The following CACNA1I variants were observed in gnomAD, a reference collection of about 807,000 sequenced individuals.
The protein encoded by CACNA1I is voltage-dependent T-type calcium channel subunit alpha-1I.
Under a neutral mutation model 201.6 loss-of-function variants are expected in CACNA1I, and 74 were observed. That is an observed-to-expected ratio of 0.37 (90% CI 0.30 to 0.45). CACNA1I has a LOEUF of 0.45. CACNA1I is among the 20% of genes least tolerant of loss of function. CACNA1I has a pLI of 1.00. For synonymous variants in CACNA1I, 1,431 were observed against 1,345.2 expected, an observed-to-expected ratio of 1.06 and a Z score of -1.40; for missense variants, 2,346 against 3,138.1, an observed-to-expected ratio of 0.75 and a Z score of 6.03.
intron 2 of CACNA1I, among the ~76,000 whole-genome samples, chr22:39,599,598 G>T (rs1376281865): frequency 1.6e-5 from 2 of 122,578 alleles, no homozygotes; most frequent in African/African-American, 6.3e-5. Context: ...CAGCCTGGGC[G>T]ACAGAGCGAG....
At position 39,662,208 on chromosome 22, in the gene CACNA1I, C is replaced by T; in HGVS notation, c.3145C>T (p.Arg1049Cys). ...TCATCACGGGCCCCATCTGGCGCAC[C>T]GCCACCGCCACCACCGCCGGACGCT... is the stretch of plus-strand genomic sequence containing the variant. ...HIHHGPHLAH[R>C]HRHHRRTLSL... Residue 1049 changes from arginine (R) to cysteine (C), a missense_variant, in exon 17 of 37, where the codon CGC becomes TGC. By Grantham distance (180) the Arg-to-Cys change is radical. Around this residue, in one of 13 missense-constraint regions of CACNA1I, gnomAD observed 288 missense variants for 255.2 expected, o/e 1.13. Coordinates refer to ENST00000402142, the MANE Select transcript of CACNA1I (RefSeq NM_021096.4). 5.2e-6 allele frequency: 8 copies of T among 1,528,202 alleles called. No individual in the cohort carries two copies. The highest frequency in any genetic ancestry group is 7.0e-6 in the Non-Finnish European group (8 of 1,141,268). 94.7% of individuals were successfully genotyped at this position (1,528,202 alleles called of 1,614,324 possible). A position where few individuals can be genotyped will look rare whatever the true frequency, so the allele number is the denominator to read the frequency against.
At chr22:39,662,578 G>A (rs1394879923) in intron 17 of CACNA1I, 143 bp downstream of exon 17, 1 of 723,206 alleles carries the variant, frequency 1.4e-6, no homozygotes. Flanking sequence ...CTTCAGGTGT[G>A]AGGCAGGAGG....
chr22:39,572,797 C>T (rs1932228664), intron 1 of CACNA1I, among the ~76,000 whole-genome samples: 1 of 152,128 alleles, frequency 6.6e-6, no homozygotes, highest in East Asian at 1.9e-4. Context: ...CGCTCTGTCA[C>T]CCAGGCTGGA....
chr22:39,659,015 C>A lies in CACNA1I; in HGVS notation c.2229C>A (p.Arg743=). The change falls in exon 12 of 37, where the codon CGC becomes CGA. Residue 743 remains arginine, a synonymous_variant. Transcript: ENST00000402142. The surrounding 1 kb of genome is among the most constrained non-coding windows in gnomAD (Gnocchi z 4.3). ...FRLLRVLKLV[R]FMPALRRQLV... is the part of the protein sequence containing the mutation. ...TGCTGCGCGTGCTGAAACTGGTGCG[C>A]TTCATGCCTGCCCTGCGGCGCCAGC... 1 of 1,612,360 alleles carries A rather than the reference C, an allele frequency of 6.2e-7. No individual in the cohort carries two copies. The highest frequency in any genetic ancestry group is 1.3e-5 in the African/African-American group (1 of 75,014).
chr22:39,650,014 C>T, intron 10 of CACNA1I, 89 bp downstream of exon 10: 2 of 1,416,576 alleles, frequency 1.4e-6, no homozygotes, highest in South Asian at 2.4e-5. Context: ...ATCCATCTGC[C>T]TGGGTTTGTG....
chr22:39,626,967 T>C (rs114644204), intron 4 of CACNA1I, among the ~76,000 whole-genome samples: 270 of 152,328 alleles, frequency 1.8e-3, no homozygotes, highest in African/African-American at 6.0e-3. Flanking sequence ...ACTTTCTAGA[T>C]GGGGAAGCAG....
At chr22:39,572,459 C>T (rs369912036) in intron 1 of CACNA1I, among the ~76,000 whole-genome samples, 1 of 152,228 alleles carries the variant, frequency 6.6e-6, no homozygotes. Flanking sequence ...GCCAGGCTTC[C>T]CTTCTGTAGG....
intron 7 of CACNA1I, among the ~76,000 whole-genome samples, chr22:39,643,951 G>T (rs1337568018): frequency 6.6e-6 from 1 of 152,240 alleles, no homozygotes; most frequent in African/African-American, 2.4e-5. Flanking sequence ...GGCTCGTGGG[G>T]AAGATGGGCT....
At position 39,688,461 on chromosome 22, in the gene CACNA1I, G is replaced by A. The variant is rs1037097284; in HGVS notation, c.*2056G>A. 2.0e-5 allele frequency: 3 copies of A among 152,308 alleles called. No homozygotes were observed. The highest frequency in any genetic ancestry group is 2.0e-4 in the Admixed American group (3 of 15,308). The allele number at this position is 152,308 out of a possible 1,614,324, so 9.4% of individuals were successfully genotyped here. On this transcript the variant is annotated 3_prime_UTR_variant, in exon 37 of 37. Transcript: ENST00000402142. This position sits in a 1 kb window ranked among gnomAD's most constrained non-coding sequence, Gnocchi z 4.8. ...GGCTTGACTGCTCCTGGCTGACCCT[G>A]AGCTCTCGCAGTTGGAGGGAAGCAG... is the stretch of plus-strand genomic sequence containing the variant.
rs147447256 is a variant in CACNA1I at position 39,611,457 on chromosome 22, A to C, written c.483-7853A>C. Among the ~76,000 whole-genome samples, 471 of 152,216 alleles carry C rather than the reference A, an allele frequency of 3.1e-3. 9 individuals are homozygous for C. Among genetic ancestry groups the C allele is most frequent in the Admixed American group, 0.025 (375 of 15,282 alleles). On this transcript the variant is annotated intron_variant, in intron 3 of 36. Coordinates refer to ENST00000402142, the MANE Select transcript of CACNA1I (RefSeq NM_021096.4). The stretch of plus-strand genomic sequence containing the variant: ...TTGATTTGCCTCACTAGCCCTCAGA[A>C]AGCAGTGAGGTGAGTCCCCTGAGAG...
rs903204269 is a variant in CACNA1I, at chr22:39,660,370, C to T, written c.2631C>T (p.Asp877=). 12 of 1,612,702 alleles carry T rather than the reference C, an allele frequency of 7.4e-6. No individual in the cohort carries two copies. The highest frequency in any genetic ancestry group is 4.5e-5 in the East Asian group (2 of 44,882). Reference sequence around the variant, plus strand: ...GTGACGCCAATCGCTCCTACTCGGACGAGGACCAGAGCTCATCCAACATAG... The same window carrying T: ...GTGACGCCAATCGCTCCTACTCGGATGAGGACCAGAGCTCATCCAACATAG... The part of the protein sequence containing the change: ...AEGDANRSYS[D]EDQSSSNIEE... Residue 877 remains aspartate, a synonymous_variant, in exon 15 of 37, where the codon GAC becomes GAT. Coordinates refer to ENST00000402142, the MANE Select transcript of CACNA1I (RefSeq NM_021096.4).
At chr22:39,571,218 T>C in intron 1 of CACNA1I, 1 of 579,496 alleles carries the variant, frequency 1.7e-6, no homozygotes, top group Non-Finnish European at 3.1e-6. Context: ...TGCTGGTGGC[T>C]GTGGGGTCAG....
chr22:39,619,358 C>T lies in CACNA1I; in HGVS notation c.531C>T (p.Ile177=), dbSNP rs755862047. The change falls in exon 4 of 37, where the codon ATC becomes ATT. Residue 177 remains isoleucine, a synonymous_variant. Transcript: ENST00000402142. The part of the protein sequence containing the change: ...LDLQNINLSA[I]RTVRVLRPLK... ...TTCAGAACATCAACCTGTCAGCCAT[C>T]CGCACCGTGCGCGTCCTGAGGCCCC... The T allele has an allele frequency of 3.1e-6, 5 of 1,610,008 alleles. No individual in the cohort carries two copies. Among genetic ancestry groups the T allele is most frequent in the Non-Finnish European group, 4.2e-6 (5 of 1,179,798 alleles).
Position 39,684,564 on chromosome 22 carries a change from TG to T in CACNA1I, c.6027+68del. On this transcript the variant is annotated intron_variant, in intron 36 of 36. Transcript: ENST00000402142. The surrounding 1 kb of genome is among the most constrained non-coding windows in gnomAD (Gnocchi z 4.6). ...CAAGGGGCAGGATCTAAGCCAGGCC[TG>T]GAAGTCCAAGGGACTGGGAGGGGAA... 6.5e-7 allele frequency: 1 copy of T among 1,535,996 alleles called. No homozygotes were observed. The highest frequency in any genetic ancestry group is 8.9e-7 in the Non-Finnish European group (1 of 1,125,928).
At chr22:39,620,299 TCATCTTTCTAGC>T (rs1933710067) in intron 4 of CACNA1I, among the ~76,000 whole-genome samples, 1 of 147,786 alleles carries the variant, frequency 6.8e-6, no homozygotes, top group African/African-American at 2.5e-5. Flanking sequence ...ATACATCTGC[TCATCTTTCTAGC>T]CATCTTTCCA....
intron 3 of CACNA1I, among the ~76,000 whole-genome samples, chr22:39,601,870 C>T (rs1269052530): frequency 6.6e-4 from 27 of 41,058 alleles, no homozygotes; most frequent in African/African-American, 3.0e-3. Context: ...TCCTTCCTTC[C>T]TTCCTTCTCT....
chr22:39,608,177 G>A (rs1933277263), intron 3 of CACNA1I, among the ~76,000 whole-genome samples: 1 of 151,534 alleles, frequency 6.6e-6, no homozygotes, highest in Non-Finnish European at 1.5e-5. Context: ...GCGCAGTGGC[G>A]CACACCTGTA....
chr22:39,665,543 C>T lies in CACNA1I; in HGVS notation c.3897C>T (p.Leu1299=). The T allele has an allele frequency of 6.2e-7, 1 of 1,613,664 alleles. No homozygotes were observed. The highest frequency in any genetic ancestry group is 2.2e-5 in the East Asian group (1 of 44,880). The change falls in exon 22 of 37, where the codon CTC becomes CTT. Residue 1299 remains leucine (L), a synonymous_variant. Coordinates refer to ENST00000402142, the MANE Select transcript of CACNA1I (RefSeq NM_021096.4). The surrounding 1 kb of genome is among the most constrained non-coding windows in gnomAD (Gnocchi z 5.5). ...APGLKLVVET[L]ISSLKPIGNI... ...GCCTGAAGCTGGTGGTGGAGACACTCATCTCCTCCCTCAAGCCCATCGGCA... is the reference window on the plus strand; with the variant it reads ...GCCTGAAGCTGGTGGTGGAGACACTTATCTCCTCCCTCAAGCCCATCGGCA...
intron 3 of CACNA1I, among the ~76,000 whole-genome samples, chr22:39,601,215 G>T (rs1021007350): frequency 6.6e-6 from 1 of 152,144 alleles, no homozygotes; most frequent in African/African-American, 2.4e-5. Flanking sequence ...CATCAACCAG[G>T]GACTGAACAA....
Sources: gnomAD v4.1 joint callset for allele counts (sites outside exome capture counted in the v4.1 genomes callset) on GRCh38, gnomAD v4.1.1 for gene constraint, gnomAD v4.1.1 regional missense constraint, Gnocchi (gnomAD v3.1) non-coding constraint, MANE v1.5 for transcripts, NCBI Gene and HGNC (gene_info 2026-07-23, HGNC 2026-07-21) for gene names.